The following MAST1 variants were observed in gnomAD, a reference collection of about 807,000 sequenced individuals.
MAST1 encodes microtubule-associated serine/threonine-protein kinase 1.
MAST1 carries 40 observed loss-of-function variants against 124.6 expected under a neutral mutation model. The ratio of observed to expected loss-of-function variants is 0.32; its 90% CI spans 0.25 to 0.42. MAST1 has a LOEUF of 0.42. Ranked by LOEUF, MAST1 falls within the 10% of genes least tolerant of loss-of-function variation. The pLI is 1.00. For missense variants in MAST1, 1,558 were observed against 2,181.9 expected (o/e 0.71, Z 5.70); for synonymous variants, 938 against 939.4 (o/e 1.00, Z 0.03).
At chr19:12,867,351 T>C (rs949188666) in intron 18 of MAST1, 123 bp from the exon 19 acceptor site, 15 of 1,093,872 alleles carry the variant, frequency 1.4e-5, no homozygotes, top group South Asian at 7.0e-5. Flanking sequence ...TCATGCACAA[T>C]TGGGCGGAGC....
rs1227396219 is a variant in MAST1 at position 12,866,690 on chromosome 19, C to G, written c.2067C>G (p.Asp689Glu). ...SDRYHHVNSY[D>E]EDDTTEEEPV... ...GGTATCACCACGTGAACTCCTATGA[C>G]GAGGATGACACGACGGAGGAGGAGC... Residue 689 changes from aspartate (D) to glutamate (E), a missense_variant, in exon 18 of 26, where the codon GAC becomes GAG. By Grantham distance (45) the Asp-to-Glu change is conservative. Coordinates refer to ENST00000251472, the MANE Select transcript of MAST1 (RefSeq NM_014975.3). This position sits in a 1 kb window ranked among gnomAD's most constrained non-coding sequence, Gnocchi z 5.2. The G allele has an allele frequency of 6.2e-7, 1 of 1,613,846 alleles. No individual in the cohort carries two copies. Among genetic ancestry groups the G allele is most frequent in the Non-Finnish European group, 8.5e-7 (1 of 1,179,986 alleles).
rs1970139553 is a variant in MAST1 at position 12,865,366 on chromosome 19, C to T, written c.1689C>T (p.Gly563=). Reference sequence around the variant, plus strand: ...CGCCCGAGGTCATCCTGCGTCAAGGCTACGGCAAGCCAGTGGACTGGTGGG... The same window carrying T: ...CGCCCGAGGTCATCCTGCGTCAAGGTTACGGCAAGCCAGTGGACTGGTGGG... ...YIAPEVILRQ[G]YGKPVDWWAM... The change falls in exon 15 of 26, where the codon GGC becomes GGT. Residue 563 remains glycine, a synonymous_variant. Coordinates refer to ENST00000251472, the MANE Select transcript of MAST1 (RefSeq NM_014975.3). This position sits in a 1 kb window ranked among gnomAD's most constrained non-coding sequence, Gnocchi z 7.1. 6.2e-7 allele frequency: 1 copy of T among 1,611,112 alleles called. No homozygotes were observed. Among genetic ancestry groups the T allele is most frequent in the Admixed American group, 1.7e-5 (1 of 59,564 alleles).
At position 12,841,303 on chromosome 19, in the gene MAST1, C is replaced by G. The variant is rs1029679634; in HGVS notation, c.248+237C>G. On this transcript the variant is annotated intron_variant, in intron 3 of 25. Coordinates refer to ENST00000251472, the MANE Select transcript of MAST1 (RefSeq NM_014975.3). The surrounding 1 kb of genome is among the most constrained non-coding windows in gnomAD (Gnocchi z 4.3). Reference sequence around the variant, plus strand: ...CGGTGGGGCTCCCTTTGCGGCAGGTCGAAAGCGCGTGCGCCCTGGGCGCGG... The same window carrying G: ...CGGTGGGGCTCCCTTTGCGGCAGGTGGAAAGCGCGTGCGCCCTGGGCGCGG... Among the ~76,000 whole-genome samples, 1 of 152,242 alleles carries G rather than the reference C, an allele frequency of 6.6e-6. No homozygotes were observed. Among genetic ancestry groups the G allele is most frequent in the African/African-American group, 2.4e-5 (1 of 41,478 alleles).
Position 12,865,647 on chromosome 19 carries a change from C to A in MAST1, c.1805-70C>A. The A allele has an allele frequency of 6.8e-7, 1 of 1,470,800 alleles. No homozygotes were observed. Among genetic ancestry groups the A allele is most frequent in the Non-Finnish European group, 9.4e-7 (1 of 1,069,494 alleles). The allele number at this position is 1,470,800 out of a possible 1,614,324, so 91.1% of individuals were successfully genotyped here. A position where few individuals can be genotyped will look rare whatever the true frequency, so the allele number is the denominator to read the frequency against. Reference sequence around the variant, plus strand: ...GTGCCACTGCACTCCAGCTGGGTGACACAGTGAGATCCTGTGTCCAAACAA... The same window carrying A: ...GTGCCACTGCACTCCAGCTGGGTGAAACAGTGAGATCCTGTGTCCAAACAA... On this transcript the variant is annotated intron_variant, in intron 15 of 25. Coordinates refer to ENST00000251472, the MANE Select transcript of MAST1 (RefSeq NM_014975.3). The surrounding 1 kb of genome is among the most constrained non-coding windows in gnomAD (Gnocchi z 7.1).
chr19:12,871,913 CAAAAAAA>C (rs34674708), intron 24 of MAST1, among the ~76,000 whole-genome samples: 304 of 61,046 alleles, frequency 5.0e-3, no homozygotes, highest in South Asian at 0.017. Context: ...TAGACTCTTT[CAAAAAAA>C]AAAAAAAAAA....
At position 12,840,525 on chromosome 19, in the gene MAST1, G is replaced by A. The variant is rs773036067; in HGVS notation, c.163G>A (p.Gly55Ser). Residue 55 changes from glycine (G) to serine (S), a missense_variant, in exon 2 of 26, where the codon GGT becomes AGT. Gly to Ser is a moderately conservative substitution (Grantham distance 56, BLOSUM62 0). This residue lies in a region of MAST1 where 57 missense variants were observed against 35.3 expected (regional missense o/e 1.62). Transcript: ENST00000251472. ...TLPRPHSPLP[G>S]HLGSSPLDSP... ...ACCGAGACCCCACTCCCCGCTGCCA[G>A]GTCACCTAGGTGAGGCCAGTGGTAG... 6.2e-7 allele frequency: 1 copy of A among 1,613,412 alleles called. No homozygotes were observed. The highest frequency in any genetic ancestry group is 1.7e-5 in the Admixed American group (1 of 59,988).
chr19:12,847,383 G>A lies in MAST1; in HGVS notation c.421G>A (p.Glu141Lys), dbSNP rs1446905098. ...HFLSKHFGST[E>K]SITDEDGGRR... is the part of the protein sequence containing the mutation. ...CCTCTCCAAACACTTCGGGAGCACC[G>A]AGAGCATCACAGACGAGGATGGTGG... The change falls in exon 5 of 26, where the codon GAG (glutamate) becomes AAG (lysine). Residue 141 changes from glutamate to lysine, a missense_variant. This residue lies in a region of MAST1 where 165 missense variants were observed against 315.3 expected (regional missense o/e 0.52). Transcript: ENST00000251472. This position sits in a 1 kb window ranked among gnomAD's most constrained non-coding sequence, Gnocchi z 5.5. The A allele has an allele frequency of 2.3e-5, 37 of 1,613,828 alleles. No individual in the cohort carries two copies. Among genetic ancestry groups the A allele is most frequent in the Non-Finnish European group, 3.0e-5 (35 of 1,180,042 alleles).
intron 10 of MAST1, among the ~76,000 whole-genome samples, chr19:12,854,043 C>T (rs576924642): frequency 6.6e-6 from 1 of 151,190 alleles, no homozygotes; most frequent in Non-Finnish European, 1.5e-5. Flanking sequence ...CACACTCCCT[C>T]CTCATTCCTC....
chr19:12,874,792 C>T lies in MAST1; in HGVS notation c.4635C>T (p.Ser1545=). ...SGTKPQVGLT[S]RCPAEAVPPA... Reference sequence around the variant, plus strand: ...CCAAGCCTCAAGTGGGGCTGACCTCCCGGTGCCCTGCTGAAGCTGTGCCCC... The same window carrying T: ...CCAAGCCTCAAGTGGGGCTGACCTCTCGGTGCCCTGCTGAAGCTGTGCCCC... Residue 1545 remains serine (S), a synonymous_variant, in exon 26 of 26, where the codon TCC becomes TCT. Transcript: ENST00000251472. This position sits in a 1 kb window ranked among gnomAD's most constrained non-coding sequence, Gnocchi z 6.6. 1.9e-6 allele frequency: 3 copies of T among 1,602,256 alleles called. No individual in the cohort carries two copies. Among genetic ancestry groups the T allele is most frequent in the Non-Finnish European group, 2.6e-6 (3 of 1,171,894 alleles).
rs1285952277 is a variant in MAST1 at position 12,838,550 on chromosome 19, C to T, written c.-23C>T. On this transcript the variant is annotated 5_prime_UTR_variant, in exon 1 of 26. Transcript: ENST00000251472. This position sits in a 1 kb window ranked among gnomAD's most constrained non-coding sequence, Gnocchi z 4.3. The stretch of plus-strand genomic sequence containing the variant: ...CCTCCGCCGCTGCTGCCGCACCTGC[C>T]ACCATGTCGCCGCCGCCGGGTCATG... 1 of 1,504,922 alleles carries T rather than the reference C, an allele frequency of 6.6e-7. No individual in the cohort carries two copies. The highest frequency in any genetic ancestry group is 8.9e-7 in the Non-Finnish European group (1 of 1,122,926). The allele number at this position is 1,504,922 out of a possible 1,614,324, so 93.2% of individuals were successfully genotyped here.
chr19:12,870,415 C>T (rs1311959327), intron 22 of MAST1, among the ~76,000 whole-genome samples: 4 of 147,694 alleles, frequency 2.7e-5, no homozygotes, highest in African/African-American at 1.0e-4. Flanking sequence ...CGCGTGAACC[C>T]GGGAGGCGGA....
Position 12,841,024 on chromosome 19 carries a change from C to A in MAST1, c.206C>A (p.Ser69Tyr). Residue 69 changes from serine to tyrosine, a missense_variant, in exon 3 of 26, where the codon TCC (serine) becomes TAC (tyrosine). Coordinates refer to ENST00000251472, the MANE Select transcript of MAST1 (RefSeq NM_014975.3). This position sits in a 1 kb window ranked among gnomAD's most constrained non-coding sequence, Gnocchi z 4.3. The part of the protein sequence containing the change: ...SSPLDSPRNF[S>Y]PNTPAHFSFA... ...CCCCTGGACAGCCCCCGAAACTTCT[C>A]CCCCAACACCCCCGCCCACTTCTCG... 2.0e-6 allele frequency: 3 copies of A among 1,500,024 alleles called. No homozygotes were observed. The highest frequency in any genetic ancestry group is 1.9e-6 in the Non-Finnish European group (2 of 1,075,432). The allele number at this position is 1,500,024 out of a possible 1,614,324, so 92.9% of individuals were successfully genotyped here.
chr19:12,845,194 C>G (rs1024867827), intron 4 of MAST1, among the ~76,000 whole-genome samples: 1 of 151,904 alleles, frequency 6.6e-6, no homozygotes, highest in Non-Finnish European at 1.5e-5. Flanking sequence ...CCCAGCTACT[C>G]AGGAGGCTGA....
intron 21 of MAST1, 83 bp from the exon 22 acceptor site, chr19:12,868,983 T>C: frequency 1.3e-6 from 2 of 1,544,798 alleles, no homozygotes; most frequent in Non-Finnish European, 8.9e-7. Context: ...GCTCTGCCAC[T>C]GCCTTGGGAG....
rs1264388888 is a variant in MAST1 at position 12,867,599 on chromosome 19, G to T, written c.2265G>T (p.Gly755=). 1.2e-6 allele frequency: 2 copies of T among 1,612,812 alleles called. No individual in the cohort carries two copies. The highest frequency in any genetic ancestry group is 1.7e-6 in the Non-Finnish European group (2 of 1,179,538). The change falls in exon 19 of 26, where the codon GGG becomes GGT. Residue 755 remains glycine, a synonymous_variant. Transcript: ENST00000251472. ...PEEKVAGKRE[G]LGGLTLREKT... is the part of the protein sequence containing the mutation. The stretch of plus-strand genomic sequence containing the variant: ...AGAAGGTGGCCGGCAAGCGGGAGGG[G>T]CTGGGCGGCCTGACCCTGCGTGAGA...
intron 24 of MAST1, among the ~76,000 whole-genome samples, chr19:12,871,374 C>A (rs1189389519): frequency 4.0e-5 from 6 of 151,852 alleles, no homozygotes; most frequent in Non-Finnish European, 7.4e-5. Flanking sequence ...TTTGGGAGGC[C>A]GAGGCGGGCA....
chr19:12,858,037 A>T (rs1173447862), intron 10 of MAST1, among the ~76,000 whole-genome samples: 1 of 142,326 alleles, frequency 7.0e-6, no homozygotes, highest in Non-Finnish European at 1.5e-5. Flanking sequence ...AAAAAAAAAA[A>T]GCTCTAACTG....
chr19:12,856,147 A>C (rs575733689), intron 10 of MAST1, among the ~76,000 whole-genome samples: 5 of 152,154 alleles, frequency 3.3e-5, no homozygotes, highest in East Asian at 3.9e-4. Context: ...TATATCATAG[A>C]TCTTTTTATG....
In MAST1 at chr19:12,873,605, G is replaced by A; in HGVS notation, c.3452-4G>A. ...TCACTCGCTTCACCTCCTGTCTCCC[G>A]CAGGCGCCTCATCCCAGAGCAGCTC... is the stretch of plus-strand genomic sequence containing the variant. On this transcript the variant is annotated splice_region_variant and splice_polypyrimidine_tract_variant and intron_variant, in intron 25 of 25. Coordinates refer to ENST00000251472, the MANE Select transcript of MAST1 (RefSeq NM_014975.3). 1.9e-6 allele frequency: 3 copies of A among 1,581,928 alleles called. No homozygotes were observed. Among genetic ancestry groups the A allele is most frequent in the Non-Finnish European group, 2.6e-6 (3 of 1,165,824 alleles).
Sources: gnomAD v4.1 joint callset for allele counts (sites outside exome capture counted in the v4.1 genomes callset) on GRCh38, gnomAD v4.1.1 for gene constraint, gnomAD v4.1.1 regional missense constraint, Gnocchi (gnomAD v3.1) non-coding constraint, MANE v1.5 for transcripts, NCBI Gene and HGNC (gene_info 2026-07-23, HGNC 2026-07-21) for gene names.